The following CPSF2 variants were observed in gnomAD, a reference collection of about 807,000 sequenced individuals.
CPSF2 encodes cleavage and polyadenylation specificity factor subunit 2.
Under a neutral mutation model 84.2 loss-of-function variants are expected in CPSF2, and 51 were observed. The ratio of observed to expected loss-of-function variants is 0.61; its 90% CI spans 0.48 to 0.77. The LOEUF (loss-of-function observed/expected upper bound fraction) is 0.77, where lower values mean the gene tolerates loss of function less well. Among genes scored for constraint, CPSF2 ranks in the 30% least tolerant of loss-of-function variants. CPSF2 has a pLI of 0.00. For missense variants in CPSF2, 641 were observed against 929.4 expected (o/e 0.69, Z 4.03); for synonymous variants, 286 against 311.9 (o/e 0.92, Z 0.87).
intron 1 of CPSF2, among the ~76,000 whole-genome samples, chr14:92,123,630 C>T (rs2068808239): frequency 6.6e-6 from 1 of 152,152 alleles, no homozygotes; most frequent in African/African-American, 2.4e-5. Flanking sequence ...AACTCCTGAG[C>T]TCAAGTGATC....
intron 9 of CPSF2, among the ~76,000 whole-genome samples, chr14:92,146,475 C>T (rs866910628): frequency 6.6e-6 from 1 of 152,108 alleles, no homozygotes; most frequent in Admixed American, 6.6e-5. Context: ...GAGCCAGGAT[C>T]GCGCCACTGC....
At chr14:92,158,862 G>A in intron 13 of CPSF2, 121 bp from the exon 14 acceptor site, 2 of 852,542 alleles carry the variant, frequency 2.3e-6, no homozygotes, top group Admixed American at 2.8e-5. Flanking sequence ...GGACTCAGAT[G>A]AGTGAAAGAT....
intron 13 of CPSF2, 46 bp from the exon 14 acceptor site, chr14:92,158,937 T>C (rs760304215): frequency 6.9e-6 from 10 of 1,459,558 alleles, no homozygotes; most frequent in Non-Finnish European, 7.5e-6. Flanking sequence ...TTTGTTAATA[T>C]GTATTCTGTG....
intron 9 of CPSF2, among the ~76,000 whole-genome samples, chr14:92,146,382 G>A (rs370503168): frequency 2.0e-5 from 3 of 152,110 alleles, no homozygotes; most frequent in East Asian, 1.9e-4. Flanking sequence ...TTAGCCTGGC[G>A]TGGTGGTGGG....
rs950266244 is a variant in CPSF2 at position 92,167,019 on chromosome 14, T to TTTTC, written c.*5278_*5279insCTTT. ...CTTATCGATTTCTTTTTTTTCTTTTTTTTTTTTTTTGAGATAGCATCTTGC... is the reference window on the plus strand; with the variant it reads ...CTTATCGATTTCTTTTTTTTCTTTTTTTTCTTTTTTTTTTGAGATAGCATCTTGC... On this transcript the variant is annotated 3_prime_UTR_variant, in exon 16 of 16. Coordinates refer to ENST00000298875, the MANE Select transcript of CPSF2 (RefSeq NM_017437.3). 15 of 150,312 alleles carry TTTTC rather than the reference T, an allele frequency of 1.0e-4. No individual in the cohort carries two copies. In the East Asian group the frequency reaches 2.7e-3, roughly 27 times the overall value. 9.3% of individuals were successfully genotyped at this position (150,312 alleles called of 1,614,324 possible).
chr14:92,127,340 A>T (rs982312307), intron 2 of CPSF2, among the ~76,000 whole-genome samples: 3 of 152,204 alleles, frequency 2.0e-5, no homozygotes, highest in Admixed American at 2.0e-4. Flanking sequence ...AATATATATA[A>T]AAGTTAGAGG....
In CPSF2 at chr14:92,163,538, G is replaced by A. The variant is rs1411288105; in HGVS notation, c.*1794G>A. ...TTTTATGATTTAAAGCATCTGGTTT[G>A]CATATTGTATTGTAATACTGATACA... is the stretch of plus-strand genomic sequence containing the variant. On this transcript the variant is annotated 3_prime_UTR_variant, in exon 16 of 16. Transcript: ENST00000298875. The A allele has an allele frequency of 6.6e-6, 1 of 152,550 alleles. No individual in the cohort carries two copies. 9.4% of individuals were successfully genotyped at this position (152,550 alleles called of 1,614,324 possible). A position where few individuals can be genotyped will look rare whatever the true frequency, so the allele number is the denominator to read the frequency against.
intron 13 of CPSF2, 101 bp from the exon 14 acceptor site, chr14:92,158,882 T>A: frequency 8.9e-7 from 1 of 1,128,132 alleles, no homozygotes; most frequent in South Asian, 1.7e-5. Context: ...TTTTCCAATT[T>A]TAACATATTA....
intron 3 of CPSF2, among the ~76,000 whole-genome samples, chr14:92,132,927 C>A (rs2068951567): frequency 6.6e-6 from 1 of 151,488 alleles, no homozygotes; most frequent in African/African-American, 2.4e-5. Context: ...TGTGTCTCTA[C>A]TAAAAATAAA....
At position 92,168,883 on chromosome 14, in the gene CPSF2, A is replaced by G. The variant is rs187109836; in HGVS notation, c.*7139A>G. ...TCCATCTCTCTTTCTCTCTCCATAT[A>G]GTCAAAGAGAACCAAAAATGTATGT... is the stretch of plus-strand genomic sequence containing the variant. On this transcript the variant is annotated 3_prime_UTR_variant, in exon 16 of 16. Coordinates refer to ENST00000298875, the MANE Select transcript of CPSF2 (RefSeq NM_017437.3). 2.6e-5 allele frequency: 4 copies of G among 152,294 alleles called. No individual in the cohort carries two copies. Among genetic ancestry groups the G allele is most frequent in the African/African-American group, 4.8e-5 (2 of 41,578 alleles). The allele number at this position is 152,294 out of a possible 1,614,324, so 9.4% of individuals were successfully genotyped here.
At chr14:92,136,468 G>A (rs992449149) in intron 6 of CPSF2, among the ~76,000 whole-genome samples, 32 of 152,138 alleles carry the variant, frequency 2.1e-4, no homozygotes, top group African/African-American at 7.2e-4. Context: ...GAATGCTGAG[G>A]GCAGTCAGGC....
chr14:92,159,487 G>A (rs1595068166), intron 14 of CPSF2, among the ~76,000 whole-genome samples: 1 of 152,110 alleles, frequency 6.6e-6, no homozygotes, highest in Non-Finnish European at 1.5e-5. Flanking sequence ...TGGGAGAATT[G>A]CTTGAGGCCA....
chr14:92,156,418 A>G (rs2069290760), intron 11 of CPSF2, 61 bp from the exon 12 acceptor site: 29 of 1,387,334 alleles, frequency 2.1e-5, no homozygotes, highest in Non-Finnish European at 2.8e-5. Flanking sequence ...CCTACTAGTC[A>G]TATATGTTAT....
At chr14:92,155,710 C>T (rs1200997764) in intron 11 of CPSF2, among the ~76,000 whole-genome samples, 1 of 149,120 alleles carries the variant, frequency 6.7e-6, no homozygotes, top group Non-Finnish European at 1.5e-5. Context: ...GGGAGGATCA[C>T]TTGAGCTCAG....
chr14:92,161,534 CAG>C lies in CPSF2; in HGVS notation c.2257-115_2257-114del, dbSNP rs566099225. 307 of 672,966 alleles carry C rather than the reference CAG, an allele frequency of 4.6e-4. 2 individuals carry two copies. In the African/African-American group the frequency reaches 5.2e-3, roughly 11 times the overall value. The allele number at this position is 672,966 out of a possible 1,614,324, so 41.7% of individuals were successfully genotyped here. A position where few individuals can be genotyped will look rare whatever the true frequency, so the allele number is the denominator to read the frequency against. ...AATATTATATCCATATGCTGTGAATCAGAGCAACCCATGTCCTGACCAATCAT... is the reference window on the plus strand; with the variant it reads ...AATATTATATCCATATGCTGTGAATCAGCAACCCATGTCCTGACCAATCAT... On this transcript the variant is annotated intron_variant, in intron 15 of 15. Transcript: ENST00000298875.
chr14:92,131,219 G>A, intron 3 of CPSF2, 86 bp downstream of exon 3: 2 of 1,061,638 alleles, frequency 1.9e-6, no homozygotes, highest in Non-Finnish European at 2.7e-6. Context: ...GATAAATACT[G>A]CCTTTTTACA....
At chr14:92,158,653 G>T (rs148975658) in intron 13 of CPSF2, among the ~76,000 whole-genome samples, 1 of 152,168 alleles carries the variant, frequency 6.6e-6, no homozygotes, top group Non-Finnish European at 1.5e-5. Context: ...GGGGAGCTTC[G>T]TGAGGGTCAG....
intron 1 of CPSF2, among the ~76,000 whole-genome samples, chr14:92,125,810 T>C (rs1454004379): frequency 6.6e-6 from 1 of 152,182 alleles, no homozygotes; most frequent in Non-Finnish European, 1.5e-5. Flanking sequence ...GTACCTTCTC[T>C]TTGTTTCTAC....
chr14:92,144,693 T>G (rs1186505611), intron 9 of CPSF2, among the ~76,000 whole-genome samples: 1 of 152,234 alleles, frequency 6.6e-6, no homozygotes, highest in Non-Finnish European at 1.5e-5. Context: ...AGTTAAACAT[T>G]ATGGTGTAGA....
Sources: gnomAD v4.1 joint callset for allele counts (sites outside exome capture counted in the v4.1 genomes callset) on GRCh38, gnomAD v4.1.1 for gene constraint, MANE v1.5 for transcripts, NCBI Gene and HGNC (gene_info 2026-07-23, HGNC 2026-07-21) for gene names.